PLS3: variants seen among roughly 807,000 people sequenced by gnomAD.
PLS3 encodes the protein plastin 3, also known as plastin-3.
In PLS3, 11 loss-of-function variants were observed where a neutral mutation model predicts 46.5. That is an observed-to-expected ratio of 0.24 (90% CI 0.15 to 0.39). The LOEUF (loss-of-function observed/expected upper bound fraction) is 0.39. PLS3 is among the 10% of genes least tolerant of loss of function. PLS3 has a pLI of 1.00. For synonymous variants in PLS3, 167 were observed against 162.2 expected (o/e 1.03, Z -0.22); for missense variants, 308 against 461.8 (o/e 0.67, Z 3.05).
At chrX:115,569,806 G>A (rs945471409) in intron 1 of PLS3, among the ~76,000 whole-genome samples, 10 of 111,731 alleles carry the variant, frequency 9.0e-5, no homozygotes, top group Admixed American at 8.6e-4. Flanking sequence ...TGACTTGGAA[G>A]GTTCCTTTCA....
At chrX:115,568,077 TCTTAA>T (rs1168817111) in intron 1 of PLS3, among the ~76,000 whole-genome samples, 3 of 111,811 alleles carry the variant, frequency 2.7e-5, no homozygotes, top group African/African-American at 9.7e-5. Flanking sequence ...TTTCTATATT[TCTTAA>T]CTTGCTTGAA....
chrX:115,586,266 T>G (rs1404111489), intron 1 of PLS3, among the ~76,000 whole-genome samples: 1 of 108,524 alleles, frequency 9.2e-6, no homozygotes, highest in Non-Finnish European at 1.9e-5. Flanking sequence ...ATTACAGGCG[T>G]GAGCCACTGC....
At chrX:115,638,079 G>A (rs1425570646) in intron 8 of PLS3, among the ~76,000 whole-genome samples, 2 of 107,796 alleles carry the variant, frequency 1.9e-5, no homozygotes, top group Non-Finnish European at 3.8e-5. Context: ...CAAGTAGCTG[G>A]GACTACAGGT....
chrX:115,580,705 G>T (rs1204378600), intron 1 of PLS3, among the ~76,000 whole-genome samples: 1 of 111,881 alleles, frequency 8.9e-6, no homozygotes, highest in African/African-American at 3.2e-5. Context: ...CTAGGATTTT[G>T]AGAGGAATTG....
chrX:115,599,511 ACT>A (rs1220416278), intron 1 of PLS3, among the ~76,000 whole-genome samples: 1 of 87,193 alleles, frequency 1.1e-5, no homozygotes, highest in Non-Finnish European at 2.1e-5. Context: ...TCTCAGCAAG[ACT>A]CTATCTCAAA....
chrX:115,633,510 A>G (rs782689577), intron 5 of PLS3, among the ~76,000 whole-genome samples: 8 of 109,855 alleles, frequency 7.3e-5, no homozygotes, highest in African/African-American at 2.6e-4. Context: ...TTTTCTTTTG[A>G]GACGGGGTCT....
chrX:115,643,457 C>G lies in PLS3; in HGVS notation c.1132C>G (p.Pro378Ala). Reference sequence around the variant, plus strand: ...CGTGGCTAACCTGTTTAATAAATACCCAGCACTAACTAAGCCAGAGAACCA... The same window carrying G: ...CGTGGCTAACCTGTTTAATAAATACGCAGCACTAACTAAGCCAGAGAACCA... ...AFVANLFNKYPALTKPENQDI... is the reference protein window; with the variant it reads ...AFVANLFNKYAALTKPENQDI... The change falls in exon 10 of 16, where the codon CCA (proline) becomes GCA (alanine). Residue 378 changes from proline (P) to alanine (A), a missense_variant. Physicochemically the swap from Pro to Ala is conservative, Grantham distance 27. This residue lies in a region of PLS3 where 271 missense variants were observed against 435.7 expected (regional missense o/e 0.62). Transcript: ENST00000355899. 8.3e-7 allele frequency: 1 copy of G among 1,204,032 alleles called. No individual in the cohort carries two copies. Among genetic ancestry groups the G allele is most frequent in the Non-Finnish European group, 1.1e-6 (1 of 888,835 alleles).
At chrX:115,596,891 TC>T (rs1248025670) in intron 1 of PLS3, among the ~76,000 whole-genome samples, 1 of 108,793 alleles carries the variant, frequency 9.2e-6, no homozygotes, top group Non-Finnish European at 1.9e-5. Flanking sequence ...ACTCCTGTAA[TC>T]CCAGCACTTT....
Position 115,622,440 on chromosome X carries a change from A to G in PLS3, c.237+31A>G, listed in dbSNP as rs782566257. On this transcript the variant is annotated intron_variant, in intron 3 of 15. Coordinates refer to ENST00000355899, the MANE Select transcript of PLS3 (RefSeq NM_005032.7). Reference sequence around the variant, plus strand: ...TATGTGAAAATTCACAATTATTAGAAGTAGTAGATGTTCCCTCGTCTAGTG... The same window carrying G: ...TATGTGAAAATTCACAATTATTAGAGGTAGTAGATGTTCCCTCGTCTAGTG... 3 of 985,720 alleles carry G rather than the reference A, an allele frequency of 3.0e-6. No individual in the cohort carries two copies. In the African/African-American group the frequency reaches 5.7e-5, roughly 19 times the overall value. 81.2% of individuals were successfully genotyped at this position (985,720 alleles called of 1,213,427 possible).
At chrX:115,605,149 G>A (rs2074478542) in intron 1 of PLS3, among the ~76,000 whole-genome samples, 1 of 111,438 alleles carries the variant, frequency 9.0e-6, no homozygotes, top group Admixed American at 9.6e-5. Flanking sequence ...TATTTAAATT[G>A]GAAAGTCCTG....
chrX:115,579,171 C>T (rs370251212), intron 1 of PLS3, among the ~76,000 whole-genome samples: 1 of 111,869 alleles, frequency 8.9e-6, no homozygotes, highest in African/African-American at 3.2e-5. Context: ...AGTATGTAGC[C>T]TTTGGGAATT....
In PLS3 at chrX:115,636,245, T is replaced by C. The variant is rs371789019; in HGVS notation, c.749-591T>C. Among the ~76,000 whole-genome samples the C allele has an allele frequency of 1.1e-4, 11 of 102,149 alleles. No homozygotes were observed. In the East Asian group the frequency reaches 1.9e-3, roughly 18 times the overall value. 88.7% of individuals were successfully genotyped at this position (102,149 alleles called of 115,157 possible). On this transcript the variant is annotated intron_variant, in intron 7 of 15. Transcript: ENST00000355899. Reference sequence around the variant, plus strand: ...TTTTTGAGACGGAGTCTCGCTCTGTTGCCCAGGCTGGAGTGCAGTGGTGCG... The same window carrying C: ...TTTTTGAGACGGAGTCTCGCTCTGTCGCCCAGGCTGGAGTGCAGTGGTGCG...
intron 1 of PLS3, among the ~76,000 whole-genome samples, chrX:115,585,013 A>G (rs928706005): frequency 2.7e-5 from 3 of 111,244 alleles, no homozygotes; most frequent in Non-Finnish European, 5.7e-5. Flanking sequence ...TCCTTTTTGT[A>G]TTTTCTTTCA....
chrX:115,583,378 G>A (rs2074290040), intron 1 of PLS3, among the ~76,000 whole-genome samples: 1 of 112,719 alleles, frequency 8.9e-6, no homozygotes, highest in Non-Finnish European at 1.9e-5. Context: ...TTTTGAAAGT[G>A]TATATATGTG....
chrX:115,630,623 T>G (rs1429929553), intron 5 of PLS3, among the ~76,000 whole-genome samples: 2 of 105,213 alleles, frequency 1.9e-5, no homozygotes, highest in Non-Finnish European at 3.9e-5. Flanking sequence ...TTAAGTAAAT[T>G]ACTACATACA....
chrX:115,564,410 C>T (rs1375168921), intron 1 of PLS3, among the ~76,000 whole-genome samples: 1 of 112,161 alleles, frequency 8.9e-6, no homozygotes, highest in Non-Finnish European at 1.9e-5. Flanking sequence ...GTTACACGCA[C>T]ATTAGACTTT....
chrX:115,615,527 G>GAGAGAGAA (rs2074590274), intron 2 of PLS3, among the ~76,000 whole-genome samples: 1 of 104,713 alleles, frequency 9.5e-6, no homozygotes, highest in Non-Finnish European at 2.0e-5. Flanking sequence ...GAGAGAGAGA[G>GAGAGAGAA]AGAAAGGAAA....
intron 9 of PLS3, among the ~76,000 whole-genome samples, chrX:115,640,741 A>G (rs2074886680): frequency 8.9e-6 from 1 of 111,812 alleles, no homozygotes; most frequent in African/African-American, 3.2e-5. Context: ...AAATATTCAA[A>G]ACAAGTATGG....
intron 1 of PLS3, among the ~76,000 whole-genome samples, chrX:115,572,909 A>G (rs904425761): frequency 4.5e-5 from 5 of 110,346 alleles, no homozygotes; most frequent in Non-Finnish European, 9.5e-5. Flanking sequence ...CCTGGCCAAC[A>G]TGGTGAAACC....
Sources: allele counts gnomAD v4.1 joint callset (sites outside exome capture counted in the v4.1 genomes callset), GRCh38; gene constraint gnomAD v4.1.1; regional missense constraint gnomAD v4.1.1; transcripts MANE v1.5; gene names NCBI Gene and HGNC (gene_info 2026-07-23, HGNC 2026-07-21).